PATJ: variants seen among roughly 807,000 people sequenced by gnomAD.
PATJ encodes the protein PATJ crumbs cell polarity complex component.
In PATJ, 190 loss-of-function variants were observed where a neutral mutation model predicts 224.9. That is an observed-to-expected ratio of 0.84 (90% CI 0.75 to 0.95). The LOEUF is 0.95. PATJ is among the 40% of genes least tolerant of loss of function. The pLI is 0.00. For missense variants in PATJ, 2,121 were observed against 2,270.3 expected (o/e 0.93, Z 1.34); for synonymous variants, 769 against 820.3 (o/e 0.94, Z 1.07).
rs1660316843 is a variant in PATJ at position 61,837,207 on chromosome 1, G to C, written c.2112+3422G>C. Among the ~76,000 whole-genome samples, 7 of 152,216 alleles carry C rather than the reference G, an allele frequency of 4.6e-5. No individual in the cohort carries two copies. In the South Asian group the frequency reaches 1.4e-3, roughly 32 times the overall value. On this transcript the variant is annotated intron_variant, in intron 17 of 43. Transcript: ENST00000642238. ...TGTGTAAGGAAATAGGAAATGTTAT[G>C]TTATTATGGAAATATATTAACAATT...
intron 43 of PATJ, among the ~76,000 whole-genome samples, chr1:62,154,186 G>A (rs185357455): frequency 1.2e-4 from 18 of 152,258 alleles, no homozygotes; most frequent in African/African-American, 4.3e-4. Flanking sequence ...GTATGCCACT[G>A]TGCCCAGCCT....
intron 14 of PATJ, among the ~76,000 whole-genome samples, chr1:61,812,342 A>G (rs1654943710): frequency 6.9e-6 from 1 of 144,602 alleles, no homozygotes; most frequent in African/African-American, 2.6e-5. Context: ...GTGATAGAGG[A>G]AGGGGAGGGA....
At chr1:61,903,549 G>T (rs1337254382) in intron 24 of PATJ, among the ~76,000 whole-genome samples, 1 of 151,998 alleles carries the variant, frequency 6.6e-6, no homozygotes, top group African/African-American at 2.4e-5. Context: ...TTTTTCCTCA[G>T]TTTCAGTTAG....
At chr1:61,882,706 C>G (rs1668268685) in intron 21 of PATJ, among the ~76,000 whole-genome samples, 1 of 152,138 alleles carries the variant, frequency 6.6e-6, no homozygotes. Context: ...CTGCCTCAGC[C>G]TTCCGAGTAG....
intron 1 of PATJ, among the ~76,000 whole-genome samples, chr1:61,753,491 G>A (rs986669168): frequency 6.8e-6 from 1 of 147,622 alleles, no homozygotes; most frequent in Non-Finnish European, 1.5e-5. Context: ...TCCTTACTTT[G>A]CCTAAATTCT....
chr1:62,142,186 G>A (rs1667571838), intron 41 of PATJ, among the ~76,000 whole-genome samples: 1 of 152,014 alleles, frequency 6.6e-6, no homozygotes, highest in Non-Finnish European at 1.5e-5. Context: ...CTGTTTCATG[G>A]ACAGCTGACA....
chr1:61,826,719 A>G (rs1658335851), intron 15 of PATJ, among the ~76,000 whole-genome samples: 2 of 152,218 alleles, frequency 1.3e-5, no homozygotes, highest in Non-Finnish European at 2.9e-5. Flanking sequence ...TCTTTTAAAC[A>G]TATGAGACAC....
intron 27 of PATJ, among the ~76,000 whole-genome samples, chr1:61,970,291 T>TCC (rs149756660): frequency 4.0e-5 from 6 of 151,280 alleles, no homozygotes; most frequent in African/African-American, 1.5e-4. Flanking sequence ...TCCCAATACC[T>TCC]CCCCCACCGA....
At chr1:61,813,362 T>TAG (rs1655293949) in intron 14 of PATJ, among the ~76,000 whole-genome samples, 1 of 45,846 alleles carries the variant, frequency 2.2e-5, no homozygotes, top group Non-Finnish European at 4.3e-5. Flanking sequence ...TATATATATA[T>TAG]ATATATATAT....
chr1:61,767,673 C>A (rs940762552), intron 4 of PATJ, among the ~76,000 whole-genome samples: 1 of 137,442 alleles, frequency 7.3e-6, no homozygotes, highest in Non-Finnish European at 1.6e-5. Context: ...CTTTCCTTTT[C>A]TTTTCTTTTT....
At chr1:62,106,059 A>ATATATATAT (rs1341448123) in intron 33 of PATJ, among the ~76,000 whole-genome samples, 3 of 41,178 alleles carry the variant, frequency 7.3e-5, no homozygotes, top group African/African-American at 2.8e-4. Flanking sequence ...AAAAAAAAAA[A>ATATATATAT]AAAAATATAT....
At chr1:61,819,151 G>A (rs1355382371) in intron 14 of PATJ, among the ~76,000 whole-genome samples, 2 of 152,194 alleles carry the variant, frequency 1.3e-5, no homozygotes, top group Middle Eastern at 3.4e-3. Context: ...CTCACCTTAA[G>A]TGTCCCCTTC....
chr1:62,052,962 G>A (rs143928441), intron 31 of PATJ, among the ~76,000 whole-genome samples: 48 of 152,278 alleles, frequency 3.2e-4, no homozygotes, highest in African/African-American at 1.2e-3. Context: ...AATTTTGTAG[G>A]TAGGCATCCC....
chr1:61,875,077 T>C (rs1016629104), intron 20 of PATJ, among the ~76,000 whole-genome samples, 166 bp from the exon 21 acceptor site: 4 of 152,254 alleles, frequency 2.6e-5, no homozygotes, highest in Admixed American at 6.5e-5. Flanking sequence ...CTTGCAGATA[T>C]TGTTACCAGC....
At chr1:61,840,209 G>A (rs932641916) in intron 17 of PATJ, among the ~76,000 whole-genome samples, 4 of 151,942 alleles carry the variant, frequency 2.6e-5, no homozygotes, top group Admixed American at 2.6e-4. Flanking sequence ...ATTTATAAAA[G>A]TTGTAGGACG....
intron 27 of PATJ, among the ~76,000 whole-genome samples, chr1:61,939,676 CTTTTTTTTTTTTTT>C (rs71050183): frequency 1.7e-5 from 1 of 58,874 alleles, no homozygotes; most frequent in Non-Finnish European, 2.8e-5. Flanking sequence ...TTTCTATGTG[CTTTTTTTTTTTTTT>C]TTTTTTTTTT....
intron 41 of PATJ, among the ~76,000 whole-genome samples, chr1:62,134,441 G>A (rs1000434261): frequency 2.7e-5 from 4 of 150,926 alleles, no homozygotes; most frequent in Admixed American, 2.6e-4. Flanking sequence ...CATCTCCCAG[G>A]TTCAAGCGAT....
chr1:61,935,910 G>A (rs1183005921), intron 27 of PATJ, among the ~76,000 whole-genome samples: 4 of 151,934 alleles, frequency 2.6e-5, no homozygotes, highest in Non-Finnish European at 5.9e-5. Context: ...TTTAAGAACA[G>A]GATACTAGCT....
chr1:62,132,554 G>A (rs144527230), intron 41 of PATJ, among the ~76,000 whole-genome samples: 12 of 152,148 alleles, frequency 7.9e-5, no homozygotes, highest in Non-Finnish European at 1.8e-4. Context: ...TGTAATGGGG[G>A]TAAAGGAGCA....
Sources: allele counts gnomAD v4.1 joint callset (sites outside exome capture counted in the v4.1 genomes callset), GRCh38; gene constraint gnomAD v4.1.1; transcripts MANE v1.5; gene names NCBI Gene and HGNC (gene_info 2026-07-23, HGNC 2026-07-21).